PCDHGA7: variants seen among roughly 807,000 people sequenced by gnomAD.
The protein encoded by PCDHGA7 is protocadherin gamma subfamily A, 7.
In PCDHGA7, 44 loss-of-function variants were observed where a neutral mutation model predicts 58.3. The observed-to-expected ratio is 0.75, with a 90% CI of 0.59 to 0.97. The LOEUF is 0.97. PCDHGA7 is among the 50% of genes least tolerant of loss of function. The pLI, the probability that PCDHGA7 is intolerant of heterozygous loss-of-function variation, is 0.00. For synonymous variants in PCDHGA7, 516 were observed against 504.2 expected (o/e 1.02, Z -0.31); for missense variants, 1,266 against 1,188.7 (o/e 1.06, Z -0.96).
rs564582881 is a variant in PCDHGA7, at chr5:141,432,735, C to T, written c.2424+47412C>T. ...CAGCCCCCTCTCTCCGCCACTGTCA[C>T]GCTCACCGTGGCCGTGGCCGACAGC... On this transcript the variant is annotated intron_variant, in intron 1 of 3. Coordinates refer to ENST00000518325, the MANE Select transcript of PCDHGA7 (RefSeq NM_018920.4). This position sits in a 1 kb window ranked among gnomAD's most constrained non-coding sequence, Gnocchi z 6.0. 2 of 1,614,094 alleles carry T rather than the reference C, an allele frequency of 1.2e-6. No individual in the cohort carries two copies. The highest frequency in any genetic ancestry group is 1.1e-5 in the South Asian group (1 of 91,086).
chr5:141,495,205 C>T (rs977479495), intron 2 of PCDHGA7, among the ~76,000 whole-genome samples: 1 of 152,212 alleles, frequency 6.6e-6, no homozygotes, highest in African/African-American at 2.4e-5. Flanking sequence ...TACTGCCTAA[C>T]CCCCTCCCCT....
chr5:141,390,749 ACT>A (rs2092225079), intron 1 of PCDHGA7: 1 of 170,960 alleles, frequency 5.8e-6, no homozygotes, highest in Admixed American at 5.7e-5. Flanking sequence ...ATAGTAGTCC[ACT>A]GTTTTGTTTC....
chr5:141,417,599 C>G (rs1036283292), intron 1 of PCDHGA7: 4 of 500,492 alleles, frequency 8.0e-6, no homozygotes, highest in African/African-American at 7.8e-5. Flanking sequence ...CTCTGGGCGC[C>G]GCCGTCGGCC....
chr5:141,427,723 G>A, intron 1 of PCDHGA7: 1 of 1,127,490 alleles, frequency 8.9e-7, no homozygotes, highest in Non-Finnish European at 1.3e-6. Context: ...CTGGACCTAG[G>A]GCTGAATGGC....
At chr5:141,506,444 C>CAAA (rs1219684339) in intron 3 of PCDHGA7, among the ~76,000 whole-genome samples, 2 of 95,018 alleles carry the variant, frequency 2.1e-5, no homozygotes, top group African/African-American at 7.9e-5. Context: ...CGCTCTGTCT[C>CAAA]AAAAAAAAAA....
chr5:141,435,519 T>C (rs2097768121), intron 1 of PCDHGA7, among the ~76,000 whole-genome samples: 2 of 152,192 alleles, frequency 1.3e-5, no homozygotes, highest in South Asian at 4.1e-4. Context: ...ATGATGACTT[T>C]GTGGAATATT....
intron 1 of PCDHGA7, among the ~76,000 whole-genome samples, chr5:141,454,750 T>C (rs992030704): frequency 1.3e-5 from 2 of 150,108 alleles, no homozygotes; most frequent in Admixed American, 6.7e-5. Flanking sequence ...GAGGCCAAAC[T>C]AATCTTGACA....
At chr5:141,464,091 T>G (rs2099075583) in intron 1 of PCDHGA7, among the ~76,000 whole-genome samples, 1 of 151,812 alleles carries the variant, frequency 6.6e-6, no homozygotes, top group African/African-American at 2.4e-5. Flanking sequence ...ATGGTGAAAC[T>G]CCGTCTCTAC....
Position 141,403,041 on chromosome 5 carries a change from A to G in PCDHGA7, c.2424+17718A>G, listed in dbSNP as rs202099773. Reference sequence around the variant, plus strand: ...ATGCTATGGGAGGCCAGGGCCAGTCAGATTCGCTACTCAGTGCCTGAAGAG... The same window carrying G: ...ATGCTATGGGAGGCCAGGGCCAGTCGGATTCGCTACTCAGTGCCTGAAGAG... On this transcript the variant is annotated intron_variant, in intron 1 of 3. Transcript: ENST00000518325. 7.2e-5 allele frequency: 116 copies of G among 1,613,966 alleles called. No homozygotes were observed. Among genetic ancestry groups the G allele is most frequent in the Non-Finnish European group, 9.6e-5 (113 of 1,179,918 alleles).
intron 3 of PCDHGA7, among the ~76,000 whole-genome samples, chr5:141,509,807 C>T (rs369661041): frequency 2.0e-5 from 3 of 152,104 alleles, no homozygotes; most frequent in Non-Finnish European, 4.4e-5. Context: ...TTCATAGAGC[C>T]GAGCTCTTCT....
In PCDHGA7 at chr5:141,476,177, C is replaced by T. The variant is rs1221752964; in HGVS notation, c.2425-18630C>T. On this transcript the variant is annotated intron_variant, in intron 1 of 3. Transcript: ENST00000518325. The surrounding 1 kb of genome is among the most constrained non-coding windows in gnomAD (Gnocchi z 7.6). ...CACCGGGAGGGTAGTGGGAGTTTTG[C>T]TTCTGCTTGGTGCCTTGAACAAGGC... 6.2e-7 allele frequency: 1 copy of T among 1,613,436 alleles called. No individual in the cohort carries two copies. Among genetic ancestry groups the T allele is most frequent in the Non-Finnish European group, 8.5e-7 (1 of 1,179,944 alleles).
intron 1 of PCDHGA7, among the ~76,000 whole-genome samples, chr5:141,461,983 C>T (rs1390320490): frequency 6.6e-6 from 1 of 152,192 alleles, no homozygotes. Flanking sequence ...GCCACCACGC[C>T]AGGCTAATTT....
chr5:141,448,335 A>T (rs567377336), intron 1 of PCDHGA7, among the ~76,000 whole-genome samples: 1 of 152,108 alleles, frequency 6.6e-6, no homozygotes, highest in Non-Finnish European at 1.5e-5. Flanking sequence ...CTTTATAGCC[A>T]TGTACCTCAA....
chr5:141,488,681 C>G, intron 1 of PCDHGA7, among the ~76,000 whole-genome samples: 1 of 152,204 alleles, frequency 6.6e-6, no homozygotes, highest in East Asian at 1.9e-4. Flanking sequence ...GGCTTTGCCT[C>G]TCCCAGAAGG....
In PCDHGA7 at chr5:141,393,293, G is replaced by A. The variant is rs774531655; in HGVS notation, c.2424+7970G>A. On this transcript the variant is annotated intron_variant, in intron 1 of 3. Coordinates refer to ENST00000518325, the MANE Select transcript of PCDHGA7 (RefSeq NM_018920.4). ...ATCCACTCCCAGAAGCTGTTGACCC[G>A]GATGTGGGCGTGAACTCCCTCCAGA... 6.2e-6 allele frequency: 10 copies of A among 1,613,918 alleles called. No homozygotes were observed. The Admixed American group carries it at 8.3e-5, about 13-fold the overall frequency.
chr5:141,456,968 A>AAAACAAAC (rs202005606), intron 1 of PCDHGA7, among the ~76,000 whole-genome samples: 1 of 152,282 alleles, frequency 6.6e-6, no homozygotes, highest in Admixed American at 6.5e-5. Flanking sequence ...ATCTCAAAAC[A>AAAACAAAC]AAACAAACAA....
At position 141,455,318 on chromosome 5, in the gene PCDHGA7, G is replaced by A. The variant is rs534507768; in HGVS notation, c.2425-39489G>A. On this transcript the variant is annotated intron_variant, in intron 1 of 3. Transcript: ENST00000518325. ...TTTCATCTTGCATTAGCAATTTTGT[G>A]TGTGTGTTTGTGGTTTTAAGGAGCG... is the stretch of plus-strand genomic sequence containing the variant. Among the ~76,000 whole-genome samples the A allele has an allele frequency of 2.4e-4, 37 of 152,186 alleles. No individual in the cohort carries two copies. The South Asian group carries it at 5.6e-3, about 23-fold the overall frequency.
Position 141,512,738 on chromosome 5 carries a change from C to A in PCDHGA7, c.*1565C>A, listed in dbSNP as rs1350606944. 2 of 152,840 alleles carry A rather than the reference C, an allele frequency of 1.3e-5. No individual in the cohort carries two copies. The highest frequency in any genetic ancestry group is 2.1e-4 in the South Asian group (1 of 4,838). The allele number at this position is 152,840 out of a possible 1,614,324, so 9.5% of individuals were successfully genotyped here. A position where few individuals can be genotyped will look rare whatever the true frequency, so the allele number is the denominator to read the frequency against. On this transcript the variant is annotated 3_prime_UTR_variant, in exon 4 of 4. Transcript: ENST00000518325. ...TGGCGGGTGGGCAGCGGGCGGCGGG[C>A]TCCGCGCAGCCGTCTGTCCTTGATC...
chr5:141,414,597 C>T, intron 1 of PCDHGA7: 5 of 1,613,972 alleles, frequency 3.1e-6, no homozygotes, highest in Non-Finnish European at 3.4e-6. Flanking sequence ...GGGGTGCCTC[C>T]ATCTTCTCAG....
Sources: allele counts gnomAD v4.1 joint callset (sites outside exome capture counted in the v4.1 genomes callset), GRCh38; gene constraint gnomAD v4.1.1; non-coding constraint Gnocchi (gnomAD v3.1); transcripts MANE v1.5; gene names NCBI Gene and HGNC (gene_info 2026-07-23, HGNC 2026-07-21).